FOXP1: variants seen among roughly 807,000 people sequenced by gnomAD.
FOXP1 encodes the protein forkhead box P1, also known as forkhead box protein P1.
In FOXP1, 15 loss-of-function variants were observed where a neutral mutation model predicts 98.2. The ratio of observed to expected loss-of-function variants is 0.15; its 90% CI spans 0.10 to 0.24. FOXP1 has a LOEUF of 0.24. Among genes scored for constraint, FOXP1 ranks in the 10% least tolerant of loss-of-function variants. The probability of loss-of-function intolerance (pLI) is 1.00; values close to 1 mark genes in which losing one functional copy is unlikely to be tolerated. For missense variants in FOXP1, 633 were observed against 848.5 expected (o/e 0.75, Z 3.15); for synonymous variants, 371 against 314.5 (o/e 1.18, Z -1.90).
intron 2 of FOXP1, among the ~76,000 whole-genome samples, chr3:71,519,233 G>T (rs1432579682): frequency 6.6e-6 from 1 of 152,228 alleles, no homozygotes; most frequent in Non-Finnish European, 1.5e-5. Context: ...GTGGTAGAGG[G>T]AGACTGCATC....
In FOXP1 at chr3:71,198,375, G is replaced by T; in HGVS notation, c.7C>A (p.Gln3Lys). The T allele has an allele frequency of 7.4e-7, 1 of 1,351,118 alleles. No homozygotes were observed. The highest frequency in any genetic ancestry group is 1.6e-5 in the African/African-American group (1 of 63,972). 83.7% of individuals were successfully genotyped at this position (1,351,118 alleles called of 1,614,324 possible). A position where few individuals can be genotyped will look rare whatever the true frequency, so the allele number is the denominator to read the frequency against. Residue 3 changes from glutamine (Q) to lysine (K), a missense_variant, in exon 6 of 21, where the codon CAA becomes AAA. Around this residue, in one of 6 missense-constraint regions of FOXP1, gnomAD observed 103 missense variants for 85.5 expected, o/e 1.20. Transcript: ENST00000649528. ...CTTTTTGTCTCAGTCCCAGATTCTT[G>T]CATCATGACTCAAAAACCTGATACA... MM[Q>K]ESGTETKSNG... is the part of the protein sequence containing the mutation.
intron 11 of FOXP1, among the ~76,000 whole-genome samples, chr3:71,017,869 C>A (rs1559732038): frequency 6.6e-6 from 1 of 152,170 alleles, no homozygotes; most frequent in Non-Finnish European, 1.5e-5. Flanking sequence ...CAAAATTTAA[C>A]ACTGTGAATA....
chr3:71,053,887 C>CA, intron 7 of FOXP1, 114 bp from the exon 8 acceptor site: 1 of 1,068,020 alleles, frequency 9.4e-7, no homozygotes, highest in Non-Finnish European at 1.4e-6. Context: ...ATTTCCCATG[C>CA]AACATGTATT....
chr3:71,456,683 A>G (rs2087540281), intron 3 of FOXP1, among the ~76,000 whole-genome samples: 1 of 152,140 alleles, frequency 6.6e-6, no homozygotes. Flanking sequence ...GTCGTGAGAT[A>G]CCCAAATCAC....
At chr3:71,017,555 C>T (rs1001635627) in intron 11 of FOXP1, among the ~76,000 whole-genome samples, 22 of 151,250 alleles carry the variant, frequency 1.5e-4, no homozygotes, top group African/African-American at 4.6e-4. Flanking sequence ...TGATAAGGCA[C>T]GAATATTTAT....
chr3:71,156,364 A>G (rs2060823297), intron 6 of FOXP1, among the ~76,000 whole-genome samples: 1 of 152,190 alleles, frequency 6.6e-6, no homozygotes, highest in Non-Finnish European at 1.5e-5. Context: ...ACAGAGAGGT[A>G]AATACAACAT....
At chr3:71,463,354 CAAAAAAAAAA>C (rs60302484) in intron 3 of FOXP1, among the ~76,000 whole-genome samples, 2 of 65,368 alleles carry the variant, frequency 3.1e-5, no homozygotes, top group African/African-American at 1.1e-4. Context: ...GACACTGTCT[CAAAAAAAAAA>C]AAAAAAAAAA....
At chr3:71,188,393 CTCTT>C (rs1435355490) in intron 6 of FOXP1, among the ~76,000 whole-genome samples, 5 of 151,454 alleles carry the variant, frequency 3.3e-5, no homozygotes, top group Non-Finnish European at 7.4e-5. Flanking sequence ...GATGCTTTGC[CTCTT>C]TTTTTCTTTA....
chr3:70,967,689 T>G (rs1414714737), intron 19 of FOXP1, among the ~76,000 whole-genome samples: 8 of 76,004 alleles, frequency 1.1e-4, no homozygotes, highest in South Asian at 7.8e-4. Context: ...TATTATTTGT[T>G]TTTTTTTTTT....
At chr3:71,154,647 C>T (rs553349807) in intron 6 of FOXP1, among the ~76,000 whole-genome samples, 9 of 152,304 alleles carry the variant, frequency 5.9e-5, no homozygotes, top group East Asian at 3.9e-4. Context: ...CTCAATGCTT[C>T]GCTGTGTGAC....
chr3:71,124,565 A>AT (rs2059018762), intron 6 of FOXP1, among the ~76,000 whole-genome samples: 1 of 151,908 alleles, frequency 6.6e-6, no homozygotes, highest in Admixed American at 6.6e-5. Flanking sequence ...TACTTATAAT[A>AT]CAGCATGATG....
intron 12 of FOXP1, among the ~76,000 whole-genome samples, chr3:71,012,421 C>A (rs931267603): frequency 1.3e-5 from 2 of 152,244 alleles, no homozygotes; most frequent in African/African-American, 4.8e-5. Flanking sequence ...TAATTGTAAA[C>A]GGCTGTTGCT....
intron 2 of FOXP1, among the ~76,000 whole-genome samples, chr3:71,513,051 A>G (rs1187784348): frequency 6.6e-6 from 1 of 152,146 alleles, no homozygotes; most frequent in African/African-American, 2.4e-5. Context: ...AGCATTTACC[A>G]GGCATTCCTA....
chr3:71,511,359 T>C (rs920953365), intron 2 of FOXP1, among the ~76,000 whole-genome samples: 3 of 152,192 alleles, frequency 2.0e-5, no homozygotes, highest in Non-Finnish European at 2.9e-5. Context: ...TCATAATTCA[T>C]ATGTGTGGAA....
intron 5 of FOXP1, among the ~76,000 whole-genome samples, chr3:71,227,557 T>C (rs1343235075): frequency 6.6e-6 from 1 of 152,128 alleles, no homozygotes; most frequent in Non-Finnish European, 1.5e-5. Flanking sequence ...GACATTTGAT[T>C]AAGGAGTTAT....
At chr3:71,363,561 A>G (rs755459707) in intron 3 of FOXP1, among the ~76,000 whole-genome samples, 3 of 152,226 alleles carry the variant, frequency 2.0e-5, no homozygotes, top group Non-Finnish European at 4.4e-5. Flanking sequence ...GTTCCAAACC[A>G]GCACGACTGT....
At chr3:71,141,469 C>T (rs980129011) in intron 6 of FOXP1, among the ~76,000 whole-genome samples, 1 of 152,126 alleles carries the variant, frequency 6.6e-6, no homozygotes, top group Non-Finnish European at 1.5e-5. Flanking sequence ...GCTTTTCAAA[C>T]AATAAACGCT....
Position 70,958,632 on chromosome 3 carries a change from A to G in FOXP1, c.*615T>C, listed in dbSNP as rs1180275486. On this transcript the variant is annotated 3_prime_UTR_variant, in exon 21 of 21. Coordinates refer to ENST00000649528, the MANE Select transcript of FOXP1 (RefSeq NM_001349338.3). ...GAACTTAAAATGGTATAGTAGAAGGAAAAAAAAAAAAAAAAAAAGCAATAC... is the reference window on the plus strand; with the variant it reads ...GAACTTAAAATGGTATAGTAGAAGGGAAAAAAAAAAAAAAAAAAGCAATAC... The G allele has an allele frequency of 8.8e-4, 91 of 102,950 alleles. No homozygotes were observed. Among genetic ancestry groups the G allele is most frequent in the Non-Finnish European group, 5.9e-4 (34 of 58,076 alleles). The allele number at this position is 102,950 out of a possible 1,614,324, so 6.4% of individuals were successfully genotyped here. A position where few individuals can be genotyped will look rare whatever the true frequency, so the allele number is the denominator to read the frequency against.
intron 4 of FOXP1, among the ~76,000 whole-genome samples, chr3:71,355,862 G>C (rs7638564): frequency 0.012 from 1,800 of 152,262 alleles, 36 homozygotes; most frequent in African/African-American, 0.04. Context: ...AAAAACTCAA[G>C]AGACAGCCAG....
Sources: gnomAD v4.1 joint callset for allele counts (sites outside exome capture counted in the v4.1 genomes callset) on GRCh38, gnomAD v4.1.1 for gene constraint, gnomAD v4.1.1 regional missense constraint, MANE v1.5 for transcripts, NCBI Gene and HGNC (gene_info 2026-07-23, HGNC 2026-07-21) for gene names.